Variants in FGD4 observed in about 807,000 individuals in gnomAD.
FGD4 encodes the protein FYVE, RhoGEF and PH domain-containing protein 4.
Under a neutral mutation model 102.0 loss-of-function variants are expected in FGD4, and 42 were observed. That is an observed-to-expected ratio of 0.41 (90% CI 0.32 to 0.53). FGD4 has a LOEUF of 0.53. Among genes scored for constraint, FGD4 ranks in the 20% least tolerant of loss-of-function variants. The probability of loss-of-function intolerance (pLI) is 0.21; values close to 1 mark genes in which losing one functional copy is unlikely to be tolerated. For synonymous variants in FGD4, 380 were observed against 375.7 expected, an observed-to-expected ratio of 1.01 and a Z score of -0.13; for missense variants, 902 against 1,078.2, an observed-to-expected ratio of 0.84 and a Z score of 2.29.
At chr12:32,612,524 T>TG (rs1433771309) in intron 10 of FGD4, among the ~76,000 whole-genome samples, 2 of 152,324 alleles carry the variant, frequency 1.3e-5, no homozygotes, top group African/African-American at 4.8e-5. Context: ...TATAATTTAC[T>TG]TCAGTAGCAC....
At chr12:32,409,703 T>C (rs1448851091) in intron 1 of FGD4, among the ~76,000 whole-genome samples, 1 of 152,154 alleles carries the variant, frequency 6.6e-6, no homozygotes, top group Non-Finnish European at 1.5e-5. Flanking sequence ...CCAGAAATAA[T>C]TGCCTTAGTG....
chr12:32,423,861 GTT>G (rs200097919), intron 1 of FGD4, among the ~76,000 whole-genome samples: 20 of 139,942 alleles, frequency 1.4e-4, no homozygotes, highest in South Asian at 1.4e-3. Context: ...TGGTGGGAGT[GTT>G]TTTTTTTTTT....
chr12:32,545,075 T>C (rs1445441290), intron 1 of FGD4, among the ~76,000 whole-genome samples: 1 of 152,248 alleles, frequency 6.6e-6, no homozygotes. Flanking sequence ...CATGATTTTT[T>C]AGAGGTGGCT....
chr12:32,444,666 A>C (rs1410369272), intron 1 of FGD4, among the ~76,000 whole-genome samples: 1 of 152,156 alleles, frequency 6.6e-6, no homozygotes, highest in East Asian at 1.9e-4. Flanking sequence ...CGGCTTCCTA[A>C]AGTGCTGAGA....
chr12:32,408,181 T>C (rs1244819591), intron 1 of FGD4, among the ~76,000 whole-genome samples: 1 of 150,012 alleles, frequency 6.7e-6, no homozygotes, highest in Non-Finnish European at 1.5e-5. Context: ...TTTTTTTTTT[T>C]TTTTGAGACA....
chr12:32,439,436 C>T (rs1942351622), intron 1 of FGD4, among the ~76,000 whole-genome samples: 1 of 152,178 alleles, frequency 6.6e-6, no homozygotes, highest in Non-Finnish European at 1.5e-5. Context: ...GCAGATAACT[C>T]TGACATACTG....
Position 32,614,370 on chromosome 12 carries a change from A to G in FGD4, c.1749+3087A>G, listed in dbSNP as rs761641877. On this transcript the variant is annotated intron_variant, in intron 10 of 16. Coordinates refer to ENST00000534526, the MANE Select transcript of FGD4 (RefSeq NM_001370298.3). ...CACAATCAGAGCAATGGTTACCAAC[A>G]GGTAGAAGTGGTCCAGTCAAAGCAA... Among the ~76,000 whole-genome samples, 17 of 152,224 alleles carry G rather than the reference A, an allele frequency of 1.1e-4. 1 individual carries two copies. Among genetic ancestry groups the G allele is most frequent in the Non-Finnish European group, 2.2e-4 (15 of 68,042 alleles).
At chr12:32,502,194 G>A in intron 1 of FGD4, 2 of 985,548 alleles carry the variant, frequency 2.0e-6, no homozygotes, top group Non-Finnish European at 2.4e-6. Context: ...GGGGAAAGCA[G>A]GGGAGCCTGT....
chr12:32,637,087 C>A (rs1327300912), intron 15 of FGD4, among the ~76,000 whole-genome samples: 1 of 142,652 alleles, frequency 7.0e-6, no homozygotes, highest in African/African-American at 2.6e-5. Flanking sequence ...CAGGGTTTCA[C>A]TGTGTTGGCC....
chr12:32,470,606 A>G (rs954257502), intron 1 of FGD4, among the ~76,000 whole-genome samples: 9 of 151,380 alleles, frequency 5.9e-5, no homozygotes, highest in Middle Eastern at 3.2e-3. Flanking sequence ...GGTGCACACC[A>G]CTACACCTGG....
At chr12:32,407,833 C>T (rs1414949877) in intron 1 of FGD4, among the ~76,000 whole-genome samples, 1 of 152,030 alleles carries the variant, frequency 6.6e-6, no homozygotes, top group Non-Finnish European at 1.5e-5. Flanking sequence ...TTTATTGCAG[C>T]CCTCTCCTTT....
intron 1 of FGD4, among the ~76,000 whole-genome samples, chr12:32,409,656 C>CT (rs1941116840): frequency 6.6e-6 from 1 of 152,132 alleles, no homozygotes; most frequent in Admixed American, 6.5e-5. Context: ...CCTTCCATGT[C>CT]TCCCCAGCTG....
chr12:32,562,880 C>T (rs1944749032), intron 1 of FGD4, among the ~76,000 whole-genome samples: 2 of 151,802 alleles, frequency 1.3e-5, no homozygotes, highest in Non-Finnish European at 1.5e-5. Context: ...CCTTTCTATT[C>T]CACAAAACCG....
At chr12:32,610,696 A>T in intron 8 of FGD4, 80 bp from the exon 9 acceptor site, 1 of 1,308,994 alleles carries the variant, frequency 7.6e-7, no homozygotes, top group African/African-American at 1.5e-5. Flanking sequence ...CAGACTTCTT[A>T]ATTTAGTAAG....
intron 1 of FGD4, among the ~76,000 whole-genome samples, chr12:32,553,775 A>G (rs899168426): frequency 6.6e-6 from 1 of 152,212 alleles, no homozygotes; most frequent in Non-Finnish European, 1.5e-5. Context: ...TATAATGCAT[A>G]TAAGTTAGTG....
chr12:32,633,684 T>C lies in FGD4; in HGVS notation c.2308T>C (p.Leu770=), dbSNP rs1950623210. The change falls in exon 15 of 17, where the codon TTA becomes CTA. Residue 770 remains leucine, a synonymous_variant. Coordinates refer to ENST00000534526, the MANE Select transcript of FGD4 (RefSeq NM_001370298.3). ...TGAAGAAAAGAAAAGAAAAGGAATT[T>C]TAGAGGTAAGAAATATTAAATATTG... ...DSEEKKRKGI[L]EIESAEVSGN... 1.9e-6 allele frequency: 3 copies of C among 1,592,730 alleles called. No homozygotes were observed. Among genetic ancestry groups the C allele is most frequent in the Non-Finnish European group, 2.6e-6 (3 of 1,161,330 alleles).
intron 5 of FGD4, among the ~76,000 whole-genome samples, chr12:32,599,534 C>CTTTTTTTTTTTTTTTTTTTTT (rs764106230): frequency 1.1e-4 from 4 of 35,352 alleles, no homozygotes; most frequent in Non-Finnish European, 1.4e-4. Flanking sequence ...ACTAAGGCAT[C>CTTTTTTTTTTTTTTTTTTTTT]TTTTTTTTTT....
intron 1 of FGD4, among the ~76,000 whole-genome samples, chr12:32,499,345 G>C (rs1205699751): frequency 6.6e-6 from 1 of 152,136 alleles, no homozygotes; most frequent in East Asian, 1.9e-4. Context: ...GTGGTTTGAG[G>C]GGATACTATA....
chr12:32,599,959 G>A (rs1948259927), intron 5 of FGD4, among the ~76,000 whole-genome samples: 1 of 152,092 alleles, frequency 6.6e-6, no homozygotes, highest in African/African-American at 2.4e-5. Context: ...TTACTTATAA[G>A]AATTGTCCCA....
Sources: allele counts gnomAD v4.1 joint callset (sites outside exome capture counted in the v4.1 genomes callset), GRCh38; gene constraint gnomAD v4.1.1; transcripts MANE v1.5; gene names NCBI Gene and HGNC (gene_info 2026-07-23, HGNC 2026-07-21).